CYBA: variants seen among roughly 807,000 people sequenced by gnomAD.
The protein encoded by CYBA is cytochrome b-245 light chain.
CYBA carries 21 observed loss-of-function variants against 20.8 expected under a neutral mutation model. The observed-to-expected ratio is 1.01, with a 90% CI of 0.72 to 1.46. The LOEUF is 1.46. CYBA is among the 40% of genes most tolerant of loss of function. CYBA has a pLI of 0.00. For missense variants in CYBA, 344 were observed against 287.0 expected (o/e 1.20, Z -1.43); for synonymous variants, 164 against 127.5 (o/e 1.29, Z -1.93).
chr16:88,650,694 G>A, intron 1 of CYBA: 1 of 615,188 alleles, frequency 1.6e-6, no homozygotes, highest in Non-Finnish European at 3.0e-6. Context: ...GCGGAGTCGG[G>A]GGACCGAGAG....
chr16:88,648,901 G>A (rs749013921), intron 1 of CYBA, among the ~76,000 whole-genome samples: 1 of 139,716 alleles, frequency 7.2e-6, no homozygotes, highest in Non-Finnish European at 1.5e-5. Context: ...TTACAGGCAT[G>A]AGCCACGGCG....
In CYBA at chr16:88,646,181, C is replaced by T. The variant is rs1325655401; in HGVS notation, c.304G>A (p.Gly102Ser). 24 of 1,555,458 alleles carry T rather than the reference C, an allele frequency of 1.5e-5. No homozygotes were observed. The highest frequency in any genetic ancestry group is 1.3e-4 in the Admixed American group (7 of 52,432). Reference protein sequence around the residue: ...VLHLLLSVPAGFLLATILGTA... With the variant: ...VLHLLLSVPASFLLATILGTA... ...CCAAGGATGGTGGCCAGCAGGAAGC[C>T]GGCGGGCACCGAGAGCCTGGGGGAC... The change falls in exon 5 of 6, where the codon GGC (glycine) becomes AGC (serine). Residue 102 changes from glycine to serine, a missense_variant. Transcript: ENST00000261623.
At chr16:88,650,918 C>T in intron 1 of CYBA, 38 bp downstream of exon 1, 1 of 1,567,122 alleles carries the variant, frequency 6.4e-7, no homozygotes, top group Non-Finnish European at 8.6e-7. Context: ...GGACACCCCT[C>T]CAGGCTGCAG....
chr16:88,643,713 G>A lies in CYBA; in HGVS notation c.370-142C>T. ...CAGGATGGTGTGACTGCCACTCAGA[G>A]AGGTTAAGTGACGCGCCCGAGGCCA... On this transcript the variant is annotated intron_variant, in intron 5 of 5. Transcript: ENST00000261623. The surrounding 1 kb of genome is among the most constrained non-coding windows in gnomAD (Gnocchi z 4.3). 6.2e-6 allele frequency: 5 copies of A among 811,138 alleles called. No homozygotes were observed. The South Asian group carries it at 6.3e-5, about 10-fold the overall frequency. The allele number at this position is 811,138 out of a possible 1,614,324, so 50.2% of individuals were successfully genotyped here. A position where few individuals can be genotyped will look rare whatever the true frequency, so the allele number is the denominator to read the frequency against.
Position 88,649,733 on chromosome 16 carries a change from C to T in CYBA, c.58+1223G>A, listed in dbSNP as rs952936585. ...AAGCACGGCAGCTGGAGGAGGGGGCCGGAGAGCCGGGAGGCCAGGGCGGGC... is the reference window on the plus strand; with the variant it reads ...AAGCACGGCAGCTGGAGGAGGGGGCTGGAGAGCCGGGAGGCCAGGGCGGGC... On this transcript the variant is annotated intron_variant, in intron 1 of 5. Coordinates refer to ENST00000261623, the MANE Select transcript of CYBA (RefSeq NM_000101.4). Among the ~76,000 whole-genome samples, 3 of 152,198 alleles carry T rather than the reference C, an allele frequency of 2.0e-5. 1 individual carries two copies. In the South Asian group the frequency reaches 6.2e-4, roughly 32 times the overall value.
In CYBA at chr16:88,643,349, GAGGTCACACGACCT is replaced by G; in HGVS notation, c.578_*3del. On this transcript the variant is annotated stop_lost and 3_prime_UTR_variant, in exon 6 of 6. Transcript: ENST00000261623. This position sits in a 1 kb window ranked among gnomAD's most constrained non-coding sequence, Gnocchi z 4.3. ...CCTGGCGGGAGGGCAGGTCCGGGGCGAGGTCACACGACCTCGTCGGTCACCGGGATGGGGTTGAC... is the reference window on the plus strand; with the variant it reads ...CCTGGCGGGAGGGCAGGTCCGGGGCGCGTCGGTCACCGGGATGGGGTTGAC... 1 of 1,514,904 alleles carries G rather than the reference GAGGTCACACGACCT, an allele frequency of 6.6e-7. No individual in the cohort carries two copies. Among genetic ancestry groups the G allele is most frequent in the Non-Finnish European group, 8.8e-7 (1 of 1,133,504 alleles). 93.8% of individuals were successfully genotyped at this position (1,514,904 alleles called of 1,614,324 possible).
chr16:88,644,661 T>C (rs1367886552), intron 5 of CYBA: 11 of 171,916 alleles, frequency 6.4e-5, no homozygotes, highest in Non-Finnish European at 1.3e-4. Context: ...CCGTCTCTAC[T>C]AAAAATACCA....
At chr16:88,645,896 G>A in intron 5 of CYBA, 1 of 593,248 alleles carries the variant, frequency 1.7e-6, no homozygotes, top group Non-Finnish European at 3.0e-6. Flanking sequence ...GGGTTAATGA[G>A]GAAATGCAAG....
chr16:88,643,292 C>G lies in CYBA; in HGVS notation c.*61G>C. ...CCCCAGGCAGAGGCTCACGCGCTCC[C>G]GGCTTCGCTGCATTTATTGCAGGTG... On this transcript the variant is annotated 3_prime_UTR_variant, in exon 6 of 6. Coordinates refer to ENST00000261623, the MANE Select transcript of CYBA (RefSeq NM_000101.4). The surrounding 1 kb of genome is among the most constrained non-coding windows in gnomAD (Gnocchi z 4.3). The G allele has an allele frequency of 7.7e-7, 1 of 1,306,256 alleles. No homozygotes were observed. The highest frequency in any genetic ancestry group is 1.0e-6 in the Non-Finnish European group (1 of 981,164). 80.9% of individuals were successfully genotyped at this position (1,306,256 alleles called of 1,614,324 possible). A position where few individuals can be genotyped will look rare whatever the true frequency, so the allele number is the denominator to read the frequency against.
intron 1 of CYBA, 64 bp downstream of exon 1, chr16:88,650,866 TCCCCACCCTGTAAGTAGCCCGAGGTC>T: frequency 7.1e-7 from 1 of 1,399,164 alleles, no homozygotes; most frequent in East Asian, 2.5e-5. Flanking sequence ...GCGCCCCACT[TCCCCACCCTGTAAGTAGCCCGAGGTC>T]CCGGCTGGGG....
intron 5 of CYBA, chr16:88,645,816 C>T (rs1271956926): frequency 7.2e-6 from 4 of 552,910 alleles, no homozygotes; most frequent in Non-Finnish European, 9.7e-6. Context: ...CCAGTCACAG[C>T]ACCTCCCTGA....
Position 88,643,655 on chromosome 16 carries a change from G to A in CYBA, c.370-84C>T. 1.5e-6 allele frequency: 2 copies of A among 1,302,104 alleles called. No homozygotes were observed. Among genetic ancestry groups the A allele is most frequent in the South Asian group, 2.6e-5 (2 of 78,338 alleles). 80.7% of individuals were successfully genotyped at this position (1,302,104 alleles called of 1,614,324 possible). A position where few individuals can be genotyped will look rare whatever the true frequency, so the allele number is the denominator to read the frequency against. On this transcript the variant is annotated intron_variant, in intron 5 of 5. Coordinates refer to ENST00000261623, the MANE Select transcript of CYBA (RefSeq NM_000101.4). The surrounding 1 kb of genome is among the most constrained non-coding windows in gnomAD (Gnocchi z 4.3). ...CTCCCCGGAGGCCCACCCCGCTAGG[G>A]GCCCTGGGACAGGCTCAAGTCTGAA... is the stretch of plus-strand genomic sequence containing the variant.
chr16:88,644,733 G>C (rs1907214029), intron 5 of CYBA: 1 of 193,348 alleles, frequency 5.2e-6, no homozygotes, highest in Non-Finnish European at 1.1e-5. Flanking sequence ...GCTGAGGCAG[G>C]AGAATTGCTT....
At chr16:88,646,282 A>G in intron 4 of CYBA, 85 bp from the exon 5 acceptor site, 1 of 427,272 alleles carries the variant, frequency 2.3e-6, no homozygotes. Context: ...CCAAGGCCAC[A>G]AAGTCTCAGG....
At chr16:88,649,870 AGTCC>A (rs1310006794) in intron 1 of CYBA, among the ~76,000 whole-genome samples, 2 of 152,192 alleles carry the variant, frequency 1.3e-5, no homozygotes, top group Non-Finnish European at 2.9e-5. Flanking sequence ...GGGTGCCCTC[AGTCC>A]GTCTACTTCC....
Position 88,643,503 on chromosome 16 carries a change from G to T in CYBA, c.438C>A (p.Gly146=). 1 of 1,534,400 alleles carries T rather than the reference G, an allele frequency of 6.5e-7. No homozygotes were observed. Among genetic ancestry groups the T allele is most frequent in the Non-Finnish European group, 8.7e-7 (1 of 1,146,092 alleles). The change falls in exon 6 of 6, where the codon GGC becomes GGA. Residue 146 remains glycine (G), a synonymous_variant. Transcript: ENST00000261623. The surrounding 1 kb of genome is among the most constrained non-coding windows in gnomAD (Gnocchi z 4.3). ...GGTTGCTGGGCGGCTGCTTGATGGT[G>T]CCTCCGATCTGCGGCCGCTCCCGGG... The part of the protein sequence containing the change: ...PKPRERPQIG[G]TIKQPPSNPP...
chr16:88,649,180 G>A lies in CYBA; in HGVS notation c.59-1066C>T, dbSNP rs375617480. On this transcript the variant is annotated intron_variant, in intron 1 of 5. Coordinates refer to ENST00000261623, the MANE Select transcript of CYBA (RefSeq NM_000101.4). The stretch of plus-strand genomic sequence containing the variant: ...TCTCGATCTCCTGACCTCGTGATCC[G>A]CCCGCCTTGGCCTCCCAAAGTGCTA... Among the ~76,000 whole-genome samples the A allele has an allele frequency of 1.4e-3, 210 of 152,234 alleles. 2 individuals are homozygous for A. The highest frequency in any genetic ancestry group is 6.8e-3 in the Middle Eastern group (2 of 294).
In CYBA at chr16:88,646,252, C is replaced by T. The variant is rs901699664; in HGVS notation, c.288-55G>A. 33 of 993,392 alleles carry T rather than the reference C, an allele frequency of 3.3e-5. No individual in the cohort carries two copies. The East Asian group carries it at 1.8e-3, about 53-fold the overall frequency. 61.5% of individuals were successfully genotyped at this position (993,392 alleles called of 1,614,324 possible). A position where few individuals can be genotyped will look rare whatever the true frequency, so the allele number is the denominator to read the frequency against. On this transcript the variant is annotated intron_variant, in intron 4 of 5. Coordinates refer to ENST00000261623, the MANE Select transcript of CYBA (RefSeq NM_000101.4). ...ACAGAAGGGCACTCAGAAAGGGGAA[C>T]GGAGCCCCAGGTCTGGGGGCCAAGG...
intron 4 of CYBA, 32 bp from the exon 5 acceptor site, chr16:88,646,229 A>T (rs756675744): frequency 1.7e-6 from 2 of 1,176,616 alleles, no homozygotes. Flanking sequence ...GCAGGGACAC[A>T]GAAGGGCACT....
Sources: gnomAD v4.1 joint callset for allele counts (sites outside exome capture counted in the v4.1 genomes callset) on GRCh38, gnomAD v4.1.1 for gene constraint, Gnocchi (gnomAD v3.1) non-coding constraint, MANE v1.5 for transcripts, NCBI Gene and HGNC (gene_info 2026-07-23, HGNC 2026-07-21) for gene names.